Variants in LIMS1 observed in about 807,000 individuals in gnomAD.
LIMS1 encodes the protein LIM and senescent cell antigen-like-containing domain protein 1.
A neutral mutation model predicts 44.1 loss-of-function variants in LIMS1; 18 were observed. The observed-to-expected ratio is 0.41, with a 90% confidence interval of 0.28 to 0.61. LIMS1 has a LOEUF of 0.61. Among genes scored for constraint, LIMS1 ranks in the 20% least tolerant of loss-of-function variants. LIMS1 has a pLI of 0.32. For missense variants in LIMS1, 201 were observed against 422.0 expected (o/e 0.48, Z 4.59); for synonymous variants, 93 against 149.1 (o/e 0.62, Z 2.74).
intron 1 of LIMS1, among the ~76,000 whole-genome samples, chr2:108,561,754 T>TG (rs1296432782): frequency 1.3e-5 from 2 of 151,104 alleles, no homozygotes; most frequent in South Asian, 2.1e-4. Context: ...TTGTTTTTTT[T>TG]TTTTTTGAGG....
chr2:108,611,854 T>TATATATATATATATATATATATAC (rs771325535), intron 1 of LIMS1, among the ~76,000 whole-genome samples: 1 of 125,250 alleles, frequency 8.0e-6, no homozygotes, highest in African/African-American at 2.7e-5. Context: ...TATATATATA[T>TATATATATATATATATATATATAC]ACACACATAT....
chr2:108,565,007 C>G (rs1685249152), intron 1 of LIMS1, among the ~76,000 whole-genome samples: 1 of 147,300 alleles, frequency 6.8e-6, no homozygotes, highest in Non-Finnish European at 1.5e-5. Context: ...ACCCATAGTT[C>G]AGGAAGTGTT....
intron 1 of LIMS1, among the ~76,000 whole-genome samples, chr2:108,538,318 AAT>A (rs1684208396): frequency 6.6e-6 from 1 of 152,214 alleles, no homozygotes; most frequent in Non-Finnish European, 1.5e-5. Flanking sequence ...TTACTGCAGG[AAT>A]GAGTAAGGGA....
chr2:108,594,364 G>A (rs911044057), intron 1 of LIMS1, among the ~76,000 whole-genome samples: 2 of 152,204 alleles, frequency 1.3e-5, no homozygotes, highest in African/African-American at 4.8e-5. Flanking sequence ...AAAGGGAAGT[G>A]ACATTTACTG....
intron 1 of LIMS1, among the ~76,000 whole-genome samples, chr2:108,594,451 T>C (rs1341384600): frequency 2.0e-5 from 3 of 152,156 alleles, no homozygotes; most frequent in East Asian, 1.9e-4. Context: ...TGAGGGGGGT[T>C]TATTTTGTCT....
intron 8 of LIMS1, among the ~76,000 whole-genome samples, chr2:108,679,858 C>T (rs536910335): frequency 4.0e-5 from 6 of 151,754 alleles, no homozygotes; most frequent in African/African-American, 9.7e-5. Context: ...GAGCTGTGAT[C>T]GCACCACTGC....
chr2:108,653,584 A>T (rs1342795967), intron 1 of LIMS1, among the ~76,000 whole-genome samples: 1 of 152,090 alleles, frequency 6.6e-6, no homozygotes, highest in Non-Finnish European at 1.5e-5. Flanking sequence ...TGAGCCCTTT[A>T]GTTGTCTCTA....
rs554234206 is a variant in LIMS1, at chr2:108,559,046, G to A, written c.32+24452G>A. 1.9e-4 allele frequency among the ~76,000 whole-genome samples: 29 copies of A among 152,258 alleles called. No individual in the cohort carries two copies. In the South Asian group the frequency reaches 5.6e-3, roughly 29 times the overall value. ...CCGGGGGCAGCTTCTGATTCCCACCGTTAGGGCAGGCTGAGCAAGGAGCTA... is the reference window on the plus strand; with the variant it reads ...CCGGGGGCAGCTTCTGATTCCCACCATTAGGGCAGGCTGAGCAAGGAGCTA... On this transcript the variant is annotated intron_variant, in intron 1 of 9. Transcript: ENST00000544547.
At chr2:108,630,420 A>G (rs1688845244) in intron 1 of LIMS1, among the ~76,000 whole-genome samples, 1 of 151,418 alleles carries the variant, frequency 6.6e-6, no homozygotes, top group Non-Finnish European at 1.5e-5. Context: ...AAAATATTTT[A>G]TGGTTGATGA....
intron 1 of LIMS1, among the ~76,000 whole-genome samples, chr2:108,572,752 G>A (rs1023644477): frequency 5.3e-5 from 8 of 152,132 alleles, no homozygotes; most frequent in Non-Finnish European, 8.8e-5. Context: ...GGTAGGCAAC[G>A]ATTACACTTT....
exon 10 of LIMS1, chr2:108,684,163 G>C: frequency 2.4e-6 from 1 of 410,430 alleles, no homozygotes; most frequent in Non-Finnish European, 4.4e-6. Context: ...TCATATAATC[G>C]TGTTTAAAAC....
intron 1 of LIMS1, among the ~76,000 whole-genome samples, chr2:108,541,216 A>G (rs1307845437): frequency 6.6e-6 from 1 of 152,224 alleles, no homozygotes; most frequent in African/African-American, 2.4e-5. Flanking sequence ...CTGAGTGACA[A>G]ATGTTACCAA....
At chr2:108,560,100 A>G (rs571657367) in intron 1 of LIMS1, among the ~76,000 whole-genome samples, 1 of 152,292 alleles carries the variant, frequency 6.6e-6, no homozygotes, top group Non-Finnish European at 1.5e-5. Context: ...GGGCCAGCAG[A>G]TGATGGGCCA....
chr2:108,552,697 C>T (rs1467106476), intron 1 of LIMS1, among the ~76,000 whole-genome samples: 1 of 151,390 alleles, frequency 6.6e-6, no homozygotes, highest in Non-Finnish European at 1.5e-5. Flanking sequence ...TGAAGCAATC[C>T]TCCCAAGTAG....
intron 1 of LIMS1, among the ~76,000 whole-genome samples, chr2:108,648,423 A>G (rs1573548173): frequency 6.6e-6 from 1 of 152,192 alleles, no homozygotes; most frequent in Non-Finnish European, 1.5e-5. Context: ...CCATCAAGCT[A>G]CTATTGACTT....
At chr2:108,539,123 A>C (rs1684233541) in intron 1 of LIMS1, among the ~76,000 whole-genome samples, 1 of 152,100 alleles carries the variant, frequency 6.6e-6, no homozygotes, top group African/African-American at 2.4e-5. Context: ...TCACTCTGTC[A>C]CCCAGGCTGG....
intron 9 of LIMS1, among the ~76,000 whole-genome samples, chr2:108,682,383 C>G (rs1056850406): frequency 6.6e-6 from 1 of 152,110 alleles, no homozygotes; most frequent in African/African-American, 2.4e-5. Context: ...GCCTGTAATC[C>G]CAGATACTCG....
At chr2:108,598,429 A>T (rs1686829825) in intron 1 of LIMS1, among the ~76,000 whole-genome samples, 2 of 152,222 alleles carry the variant, frequency 1.3e-5, no homozygotes, top group Admixed American at 6.5e-5. Context: ...GGAGAGACTG[A>T]GGAGTACTAT....
intron 1 of LIMS1, among the ~76,000 whole-genome samples, chr2:108,611,176 T>TCAATTAC (rs1345618220): frequency 6.6e-6 from 1 of 152,214 alleles, no homozygotes; most frequent in African/African-American, 2.4e-5. Context: ...ACGTAATAAC[T>TCAATTAC]GTATAGTAAG....
Sources: gnomAD v4.1 joint callset for allele counts (sites outside exome capture counted in the v4.1 genomes callset) on GRCh38, gnomAD v4.1.1 for gene constraint, MANE v1.5 for transcripts, NCBI Gene and HGNC (gene_info 2026-07-23, HGNC 2026-07-21) for gene names.